Variants in CREB5 observed in about 807,000 individuals in gnomAD.
CREB5 encodes cAMP responsive element binding protein 5.
CREB5 carries 19 observed loss-of-function variants against 57.1 expected under a neutral mutation model. That is an observed-to-expected ratio of 0.33 (90% CI 0.23 to 0.49). CREB5 has a LOEUF of 0.49. Ranked by LOEUF, CREB5 falls within the 20% of genes least tolerant of loss-of-function variation. The pLI is 0.99. For synonymous variants in CREB5, 238 were observed against 238.3 expected, an observed-to-expected ratio of 1.00 and a Z score of 0.01; for missense variants, 579 against 671.6, an observed-to-expected ratio of 0.86 and a Z score of 1.52.
At chr7:28,488,104 G>A (rs571035853) in intron 1 of CREB5, 71 bp from the exon 2 acceptor site, 14 of 1,402,912 alleles carry the variant, frequency 1.0e-5, no homozygotes, top group East Asian at 4.6e-5. Flanking sequence ...CCTTTCTCAC[G>A]TTGCTCAGGT....
intron 7 of CREB5, among the ~76,000 whole-genome samples, chr7:28,747,951 A>G (rs1176362136): frequency 6.6e-6 from 1 of 151,966 alleles, no homozygotes; most frequent in African/African-American, 2.4e-5. Context: ...TTCTAGAATC[A>G]CTGCTCACGG....
At chr7:28,357,008 CAAGT>C (rs78819417) in intron 1 of CREB5, among the ~76,000 whole-genome samples, 9,781 of 152,220 alleles carry the variant, frequency 0.064, 357 homozygotes, top group East Asian at 0.15. Flanking sequence ...TGTTCTGTAA[CAAGT>C]AATAAGACAA....
At chr7:28,734,229 A>AC (rs1803841443) in intron 7 of CREB5, among the ~76,000 whole-genome samples, 1 of 144,954 alleles carries the variant, frequency 6.9e-6, no homozygotes, top group African/African-American at 2.5e-5. Flanking sequence ...AAAAAAAAAA[A>AC]ACACAAACAA....
At chr7:28,421,914 GTA>G (rs1221379303) in intron 1 of CREB5, among the ~76,000 whole-genome samples, 93 of 139,588 alleles carry the variant, frequency 6.7e-4, no homozygotes, top group Middle Eastern at 3.8e-3. Context: ...GAGAGAGTGT[GTA>G]TGTGTGTGTA....
At chr7:28,621,536 G>A (rs985337242) in intron 5 of CREB5, among the ~76,000 whole-genome samples, 1 of 152,128 alleles carries the variant, frequency 6.6e-6, no homozygotes, top group African/African-American at 2.4e-5. Flanking sequence ...GGCCACATGC[G>A]CTGTGGTTTT....
At chr7:28,493,197 G>A (rs987481367) in intron 2 of CREB5, among the ~76,000 whole-genome samples, 1 of 152,154 alleles carries the variant, frequency 6.6e-6, no homozygotes, top group Non-Finnish European at 1.5e-5. Context: ...AACTTATATT[G>A]ACTATCCTGA....
Position 28,825,492 on chromosome 7 carries a change from A to G in CREB5, c.*6213A>G, listed in dbSNP as rs2128812838. The G allele has an allele frequency of 6.5e-6, 1 of 152,756 alleles. No homozygotes were observed. Among genetic ancestry groups the G allele is most frequent in the African/African-American group, 2.4e-5 (1 of 41,574 alleles). 9.5% of individuals were successfully genotyped at this position (152,756 alleles called of 1,614,324 possible). A position where few individuals can be genotyped will look rare whatever the true frequency, so the allele number is the denominator to read the frequency against. On this transcript the variant is annotated 3_prime_UTR_variant, in exon 11 of 11. Coordinates refer to ENST00000357727, the MANE Select transcript of CREB5 (RefSeq NM_182898.4). The stretch of plus-strand genomic sequence containing the variant: ...TGTCCAAAAATATAATTAAAAGAAA[A>G]AAGTTTAGCACTGTGTAAAGTAAGT...
chr7:28,580,364 G>T (rs1379932681), intron 5 of CREB5, among the ~76,000 whole-genome samples: 1 of 147,274 alleles, frequency 6.8e-6, no homozygotes, highest in African/African-American at 2.6e-5. Context: ...GGAAAATGAG[G>T]GGTGTCTGTG....
At chr7:28,552,013 TTCTC>T (rs1463095690) in intron 4 of CREB5, among the ~76,000 whole-genome samples, 17 of 151,224 alleles carry the variant, frequency 1.1e-4, no homozygotes, top group Non-Finnish European at 2.2e-4. Context: ...TCTCTCTCTT[TTCTC>T]TCTCTCTTTC....
intron 7 of CREB5, among the ~76,000 whole-genome samples, chr7:28,794,438 A>C (rs921435949): frequency 2.0e-5 from 3 of 152,232 alleles, no homozygotes; most frequent in African/African-American, 4.8e-5. Flanking sequence ...GCTGGCAATC[A>C]ACAAATATTT....
rs560424419 is a variant in CREB5 at position 28,435,730 on chromosome 7, C to T, written c.3+22813C>T. ...TATAATACTCGTGTGACAGATGAACCAAACACTCAGATGTAAATTACATTT... is the reference window on the plus strand; with the variant it reads ...TATAATACTCGTGTGACAGATGAACTAAACACTCAGATGTAAATTACATTT... On this transcript the variant is annotated intron_variant, in intron 1 of 10. Transcript: ENST00000357727. 3.8e-5 allele frequency: 34 copies of T among 894,182 alleles called. No individual in the cohort carries two copies. The East Asian group carries it at 6.0e-4, about 16-fold the overall frequency. The allele number at this position is 894,182 out of a possible 1,614,324, so 55.4% of individuals were successfully genotyped here. A position where few individuals can be genotyped will look rare whatever the true frequency, so the allele number is the denominator to read the frequency against.
chr7:28,312,778 A>G (rs996175614), intron 1 of CREB5, among the ~76,000 whole-genome samples: 2 of 152,196 alleles, frequency 1.3e-5, no homozygotes, highest in Non-Finnish European at 2.9e-5. Flanking sequence ...TCCTCGGGCC[A>G]TTCTAATGTC....
chr7:28,689,466 TTAATAA>T (rs541345341), intron 5 of CREB5, among the ~76,000 whole-genome samples: 1 of 151,866 alleles, frequency 6.6e-6, no homozygotes, highest in African/African-American at 2.4e-5. Flanking sequence ...AGACTCTGTC[TTAATAA>T]TAATAATAAT....
intron 5 of CREB5, among the ~76,000 whole-genome samples, chr7:28,599,541 A>G (rs548933213): frequency 6.6e-6 from 1 of 152,162 alleles, no homozygotes; most frequent in African/African-American, 2.4e-5. Flanking sequence ...TCCTTTGCAG[A>G]CACTTCATCT....
intron 7 of CREB5, among the ~76,000 whole-genome samples, chr7:28,775,566 T>TATATATATATATATATATATATATATA (rs1396993277): frequency 1.2e-5 from 1 of 82,546 alleles, no homozygotes; most frequent in African/African-American, 4.7e-5. Context: ...ATATATATAT[T>TATATATATATATATATATATATATATA]AGCGTATTTT....
intron 5 of CREB5, among the ~76,000 whole-genome samples, chr7:28,709,384 T>C (rs1463049606): frequency 6.6e-6 from 1 of 152,304 alleles, no homozygotes; most frequent in Non-Finnish European, 1.5e-5. Context: ...GGTTTTTGGT[T>C]AATAAATGAA....
At chr7:28,580,393 G>A (rs1213762670) in intron 5 of CREB5, among the ~76,000 whole-genome samples, 9 of 144,816 alleles carry the variant, frequency 6.2e-5, no homozygotes, top group Non-Finnish European at 1.4e-4. Context: ...GGGGGCATGT[G>A]GTGTCAACTG....
chr7:28,752,106 C>T (rs1805012093), intron 7 of CREB5, among the ~76,000 whole-genome samples: 1 of 152,212 alleles, frequency 6.6e-6, no homozygotes, highest in Admixed American at 6.5e-5. Flanking sequence ...TAACCCTGAT[C>T]ACCTGTTTAA....
chr7:28,488,229 G>A lies in CREB5; in HGVS notation c.58G>A (p.Ala20Thr). The change falls in exon 2 of 11, where the codon GCC becomes ACC. Residue 20 changes from alanine (A) to threonine (T), a missense_variant. By Grantham distance (58) the Ala-to-Thr change is moderately conservative. Coordinates refer to ENST00000357727, the MANE Select transcript of CREB5 (RefSeq NM_182898.4). ...GCAGGAGAGGCCGTTTGTCTGCAGT[G>A]CCCCAGGCTGCTCCCAGGTGAGTGT... ...LEQERPFVCS[A>T]PGCSQRFPTE... 1 of 1,613,750 alleles carries A rather than the reference G, an allele frequency of 6.2e-7. No individual in the cohort carries two copies. Among genetic ancestry groups the A allele is most frequent in the Non-Finnish European group, 8.5e-7 (1 of 1,179,836 alleles).
Sources: gnomAD v4.1 joint callset for allele counts (sites outside exome capture counted in the v4.1 genomes callset) on GRCh38, gnomAD v4.1.1 for gene constraint, MANE v1.5 for transcripts, NCBI Gene and HGNC (gene_info 2026-07-23, HGNC 2026-07-21) for gene names.